KIAA1671: variants seen among roughly 807,000 people sequenced by gnomAD.
KIAA1671 encodes uncharacterized protein KIAA1671.
Under a neutral mutation model 131.2 loss-of-function variants are expected in KIAA1671, and 52 were observed. That is an observed-to-expected ratio of 0.40 (90% CI 0.32 to 0.50). The LOEUF (loss-of-function observed/expected upper bound fraction) is 0.50. KIAA1671 is among the 20% of genes least tolerant of loss of function. The pLI, the probability that KIAA1671 is intolerant of heterozygous loss-of-function variation, is 0.73. For synonymous variants in KIAA1671, 1,003 were observed against 961.6 expected (o/e 1.04, Z -0.80); for missense variants, 2,360 against 2,364.2 (o/e 1.00, Z 0.04).
At chr22:25,177,039 G>A (rs1419498582) in intron 8 of KIAA1671, 5 of 338,092 alleles carry the variant, frequency 1.5e-5, no homozygotes, top group African/African-American at 6.1e-5. Context: ...CTTGTGTGGT[G>A]GATGTCACTG....
chr22:25,114,458 G>A (rs1196481563), intron 6 of KIAA1671, among the ~76,000 whole-genome samples: 2 of 152,246 alleles, frequency 1.3e-5, no homozygotes, highest in Non-Finnish European at 2.9e-5. Context: ...GTTAGGATAG[G>A]AACATGTGCA....
In KIAA1671 at chr22:25,039,104, G is replaced by A; in HGVS notation, c.1974G>A (p.Leu658=). The change falls in exon 5 of 13, where the codon CTG becomes CTA. Residue 658 remains leucine (L), a synonymous_variant. Coordinates refer to ENST00000358431, the MANE Select transcript of KIAA1671 (RefSeq NM_001145206.2). ...PRPRPEMGSW[L]GRDPPDMTKL... is the part of the protein sequence containing the mutation. ...CGAGGCCTGAGATGGGCTCTTGGCT[G>A]GGCAGGGACCCACCAGACATGACAA... 5.2e-6 allele frequency: 8 copies of A among 1,551,512 alleles called. No homozygotes were observed. Among genetic ancestry groups the A allele is most frequent in the Non-Finnish European group, 7.0e-6 (8 of 1,147,006 alleles).
At chr22:24,979,355 T>C (rs912313384) in intron 1 of KIAA1671, among the ~76,000 whole-genome samples, 1 of 108,004 alleles carries the variant, frequency 9.3e-6, no homozygotes, top group Admixed American at 8.6e-5. Context: ...TATTTATTTA[T>C]TTATTTTTTT....
chr22:25,148,183 A>G (rs1046058394), intron 6 of KIAA1671, among the ~76,000 whole-genome samples: 2 of 151,342 alleles, frequency 1.3e-5, no homozygotes, highest in African/African-American at 4.9e-5. Flanking sequence ...CCTCAGTCCC[A>G]GCCCTTTCTC....
chr22:25,088,374 T>C (rs1929846639), intron 6 of KIAA1671, among the ~76,000 whole-genome samples: 1 of 152,200 alleles, frequency 6.6e-6, no homozygotes, highest in Admixed American at 6.5e-5. Context: ...CCCAAAGTGC[T>C]GGGATTACAG....
chr22:25,088,307 A>G (rs1336329745), intron 6 of KIAA1671, among the ~76,000 whole-genome samples: 2 of 152,082 alleles, frequency 1.3e-5, no homozygotes, highest in Admixed American at 1.3e-4. Context: ...AGGTTTCACC[A>G]TGTTGGCCAG....
intron 6 of KIAA1671, among the ~76,000 whole-genome samples, chr22:25,095,984 C>T (rs1042235736): frequency 2.6e-5 from 4 of 152,276 alleles, no homozygotes; most frequent in Non-Finnish European, 4.4e-5. Context: ...TGGGATCAGA[C>T]GGAGAGGGAG....
chr22:24,979,058 C>T lies in KIAA1671; in HGVS notation c.-208+26286C>T, dbSNP rs531594804. ...TTGCCCAGGCTGGAGTGCAGTGGTGCGATCTTGCCTCACTGCAACCTCTGC... is the reference window on the plus strand; with the variant it reads ...TTGCCCAGGCTGGAGTGCAGTGGTGTGATCTTGCCTCACTGCAACCTCTGC... On this transcript the variant is annotated intron_variant, in intron 1 of 12. Transcript: ENST00000358431. Among the ~76,000 whole-genome samples the T allele has an allele frequency of 2.1e-3, 312 of 150,698 alleles. 3 individuals carry two copies. The highest frequency in any genetic ancestry group is 6.7e-3 in the African/African-American group (274 of 41,010).
At position 25,189,973 on chromosome 22, in the gene KIAA1671, C is replaced by T. The variant is rs140094819; in HGVS notation, c.5343-729C>T. On this transcript the variant is annotated intron_variant, in intron 11 of 12. Coordinates refer to ENST00000358431, the MANE Select transcript of KIAA1671 (RefSeq NM_001145206.2). The stretch of plus-strand genomic sequence containing the variant: ...ACAGATATATCGTGATTTATTTCAG[C>T]GGTCCCCAACCTTTTTGGCACCATG... 3.0e-3 allele frequency among the ~76,000 whole-genome samples: 451 copies of T among 152,270 alleles called. 2 individuals carry two copies. Among genetic ancestry groups the T allele is most frequent in the Non-Finnish European group, 4.6e-3 (314 of 68,028 alleles).
At chr22:25,185,415 A>G (rs1283981361) in intron 11 of KIAA1671, 1 of 349,158 alleles carries the variant, frequency 2.9e-6, no homozygotes, top group Admixed American at 4.3e-5. Flanking sequence ...GATCTAGTTT[A>G]GCCCTCTCCA....
intron 6 of KIAA1671, among the ~76,000 whole-genome samples, chr22:25,151,244 G>C (rs1331620489): frequency 6.6e-6 from 1 of 151,342 alleles, no homozygotes; most frequent in Non-Finnish European, 1.5e-5. Flanking sequence ...CCCTGGAAAT[G>C]ATCCTTATGA....
chr22:25,010,500 T>A (rs551810595), intron 1 of KIAA1671: 1 of 152,330 alleles, frequency 6.6e-6, no homozygotes, highest in Non-Finnish European at 1.5e-5. Context: ...ACATTTATTG[T>A]GCATTTGTAG....
chr22:24,991,544 C>T (rs1210992079), intron 1 of KIAA1671, among the ~76,000 whole-genome samples: 1 of 151,124 alleles, frequency 6.6e-6, no homozygotes, highest in Admixed American at 6.6e-5. Flanking sequence ...GCAAGCTGTA[C>T]CTCTGGGGTT....
intron 6 of KIAA1671, among the ~76,000 whole-genome samples, chr22:25,169,610 A>G (rs530278541): frequency 2.6e-4 from 39 of 152,348 alleles, no homozygotes; most frequent in African/African-American, 9.1e-4. Flanking sequence ...TTCAGTGGCC[A>G]CATCACAGGG....
chr22:25,179,620 A>C, intron 9 of KIAA1671: 1 of 893,480 alleles, frequency 1.1e-6, no homozygotes, highest in Non-Finnish European at 1.7e-6. Context: ...CACTCCCAAA[A>C]GTGGAAACTG....
At chr22:25,121,009 T>C (rs765026038) in intron 6 of KIAA1671, among the ~76,000 whole-genome samples, 3 of 152,208 alleles carry the variant, frequency 2.0e-5, no homozygotes, top group African/African-American at 4.8e-5. Context: ...CCTTTGTTAC[T>C]CTCACTTTTC....
At chr22:25,001,251 G>GTATATA (rs758251989) in intron 1 of KIAA1671, among the ~76,000 whole-genome samples, 4 of 101,830 alleles carry the variant, frequency 3.9e-5, no homozygotes, top group Non-Finnish European at 1.1e-4. Context: ...GTGTGTGTGT[G>GTATATA]TATGTGTGTG....
At chr22:25,099,563 T>G (rs1345107747) in intron 6 of KIAA1671, among the ~76,000 whole-genome samples, 1 of 127,020 alleles carries the variant, frequency 7.9e-6, no homozygotes, top group Non-Finnish European at 1.7e-5. Flanking sequence ...TTTTTTTTTT[T>G]TTTTTTTTTT....
At chr22:25,179,560 G>T in intron 9 of KIAA1671, 1 of 1,551,438 alleles carries the variant, frequency 6.4e-7, no homozygotes, top group Non-Finnish European at 8.8e-7. Flanking sequence ...CCTGCGTTGG[G>T]AAGGGAACGG....
Sources: allele counts gnomAD v4.1 joint callset (sites outside exome capture counted in the v4.1 genomes callset), GRCh38; gene constraint gnomAD v4.1.1; transcripts MANE v1.5; gene names NCBI Gene and HGNC (gene_info 2026-07-23, HGNC 2026-07-21).